SLA2: variants seen among roughly 807,000 people sequenced by gnomAD.
SLA2 encodes the protein Src like adaptor 2, also known as src-like-adapter 2.
Under a neutral mutation model 27.3 loss-of-function variants are expected in SLA2, and 22 were observed. The observed-to-expected ratio is 0.81, with a 90% CI of 0.58 to 1.15. The LOEUF (loss-of-function observed/expected upper bound fraction) is 1.15. Among genes scored for constraint, SLA2 ranks in the 50% most tolerant of loss-of-function variants. The pLI, the probability that SLA2 is intolerant of heterozygous loss-of-function variation, is 0.00. For missense variants in SLA2, 304 were observed against 322.2 expected (o/e 0.94, Z 0.43); for synonymous variants, 131 against 137.8 (o/e 0.95, Z 0.34).
chr20:36,628,578 G>C (rs757173776), intron 5 of SLA2, among the ~76,000 whole-genome samples: 22 of 152,016 alleles, frequency 1.4e-4, no homozygotes, highest in Non-Finnish European at 2.8e-4. Context: ...CAGGGTCTTG[G>C]TCTGTCACCC....
Position 36,613,122 on chromosome 20 carries a change from A to C in SLA2, c.*744T>G, listed in dbSNP as rs916486871. On this transcript the variant is annotated 3_prime_UTR_variant, in exon 8 of 8. Transcript: ENST00000262866. ...GTAATCCCAGCTATTCTGGAGGCTG[A>C]GGCAGGAGAATTGTTTGAATCCAGG... 1.3e-5 allele frequency: 2 copies of C among 152,338 alleles called. No homozygotes were observed. Among genetic ancestry groups the C allele is most frequent in the East Asian group, 3.8e-4 (2 of 5,198 alleles). The allele number at this position is 152,338 out of a possible 1,614,324, so 9.4% of individuals were successfully genotyped here.
chr20:36,627,569 G>A (rs1394589262), intron 5 of SLA2, among the ~76,000 whole-genome samples: 1 of 152,226 alleles, frequency 6.6e-6, no homozygotes, highest in Non-Finnish European at 1.5e-5. Context: ...CAGGAACCAC[G>A]TCTTGCTCAT....
intron 5 of SLA2, among the ~76,000 whole-genome samples, chr20:36,630,979 C>G (rs1429800393): frequency 6.6e-6 from 1 of 152,150 alleles, no homozygotes; most frequent in Non-Finnish European, 1.5e-5. Flanking sequence ...GCTACTGACC[C>G]AAGAGATCCT....
chr20:36,614,321 A>G lies in SLA2; in HGVS notation c.649T>C (p.Trp217Arg), dbSNP rs377152592. Reference protein sequence around the residue: ...PVTVQRTPLNWKELDSSLLFS... With the variant: ...PVTVQRTPLNRKELDSSLLFS... ...CAACTTTACCTGTCCAGCTCTTTCC[A>G]GTTGAGTGGTGTCCTCTGCACAGTC... is the stretch of plus-strand genomic sequence containing the variant. The change falls in exon 7 of 8, where the codon TGG becomes CGG. Residue 217 changes from tryptophan (W) to arginine (R), a missense_variant. Coordinates refer to ENST00000262866, the MANE Select transcript of SLA2 (RefSeq NM_032214.4). The G allele has an allele frequency of 3.8e-5, 61 of 1,614,064 alleles. No homozygotes were observed. Among genetic ancestry groups the G allele is most frequent in the Admixed American group, 1.5e-4 (9 of 60,018 alleles).
chr20:36,615,938 G>A (rs573081405), intron 5 of SLA2, among the ~76,000 whole-genome samples: 1 of 152,312 alleles, frequency 6.6e-6, no homozygotes, highest in Admixed American at 6.5e-5. Flanking sequence ...AGAATAAATT[G>A]TGGATTATAG....
chr20:36,636,088 G>A (rs138549091), intron 2 of SLA2, among the ~76,000 whole-genome samples: 205 of 152,066 alleles, frequency 1.3e-3, no homozygotes, highest in African/African-American at 4.7e-3. Flanking sequence ...GTGTCCCCAG[G>A]TCCTGTCACA....
At chr20:36,641,430 A>G in intron 1 of SLA2, 52 bp from the exon 2 acceptor site, 1 of 1,072,918 alleles carries the variant, frequency 9.3e-7, no homozygotes, top group Non-Finnish European at 1.4e-6. Context: ...GCCCAATCTC[A>G]GATACCTCTC....
Position 36,613,711 on chromosome 20 carries a change from G to T in SLA2, c.*155C>A. On this transcript the variant is annotated 3_prime_UTR_variant, in exon 8 of 8. Transcript: ENST00000262866. The stretch of plus-strand genomic sequence containing the variant: ...AGTAGGTGACTTCTAAGGGCTAAGA[G>T]AGGAAAGAGCAAGGGTACAGGTGGG... 1.1e-6 allele frequency: 1 copy of T among 880,092 alleles called. No homozygotes were observed. The highest frequency in any genetic ancestry group is 1.7e-6 in the Non-Finnish European group (1 of 589,096). The allele number at this position is 880,092 out of a possible 1,614,324, so 54.5% of individuals were successfully genotyped here.
At chr20:36,624,976 C>T (rs1046656941) in intron 5 of SLA2, among the ~76,000 whole-genome samples, 2 of 152,140 alleles carry the variant, frequency 1.3e-5, no homozygotes, top group Non-Finnish European at 2.9e-5. Flanking sequence ...TCTTCATCCT[C>T]TCTCCCCCTC....
At chr20:36,643,165 T>C (rs1978285000) in intron 1 of SLA2, among the ~76,000 whole-genome samples, 1 of 152,252 alleles carries the variant, frequency 6.6e-6, no homozygotes, top group Non-Finnish European at 1.5e-5. Flanking sequence ...ATTAACTAAA[T>C]GAGACTGTTA....
At chr20:36,625,216 A>ATTTTTTT (rs71186005) in intron 5 of SLA2, among the ~76,000 whole-genome samples, 46 of 78,482 alleles carry the variant, frequency 5.9e-4, no homozygotes, top group Non-Finnish European at 7.8e-4. Context: ...ACGTACCCTG[A>ATTTTTTT]TTTTTTTTTT....
intron 5 of SLA2, among the ~76,000 whole-genome samples, chr20:36,626,052 G>A (rs1426323209): frequency 6.6e-6 from 1 of 151,804 alleles, no homozygotes; most frequent in African/African-American, 2.4e-5. Context: ...ATCACTTGAG[G>A]TCAGGAGTTC....
chr20:36,622,768 G>A (rs762725843), intron 5 of SLA2, among the ~76,000 whole-genome samples: 7 of 152,054 alleles, frequency 4.6e-5, no homozygotes, highest in African/African-American at 7.2e-5. Flanking sequence ...CCTCCCTCTC[G>A]TAAGCATCCT....
chr20:36,633,648 G>A lies in SLA2; in HGVS notation c.192-19C>T, dbSNP rs539905690. ...TCCATCCCTGGAGAGAGAAAGGAGTGGGGGCACCTCTTTCAGATGAGCCAA... is the reference window on the plus strand; with the variant it reads ...TCCATCCCTGGAGAGAGAAAGGAGTAGGGGCACCTCTTTCAGATGAGCCAA... On this transcript the variant is annotated intron_variant, in intron 3 of 7. Transcript: ENST00000262866. 4 of 1,604,848 alleles carry A rather than the reference G, an allele frequency of 2.5e-6. No homozygotes were observed. Among genetic ancestry groups the A allele is most frequent in the Non-Finnish European group, 3.4e-6 (4 of 1,172,038 alleles).
chr20:36,644,103 C>T (rs539612987), intron 1 of SLA2, among the ~76,000 whole-genome samples: 1 of 152,118 alleles, frequency 6.6e-6, no homozygotes, highest in South Asian at 2.1e-4. Flanking sequence ...CTTTTAGGAT[C>T]CTGCAGCCTG....
At chr20:36,616,656 C>T (rs1470689681) in intron 5 of SLA2, among the ~76,000 whole-genome samples, 1 of 152,140 alleles carries the variant, frequency 6.6e-6, no homozygotes, top group Admixed American at 6.5e-5. Flanking sequence ...TTTTTAGAGC[C>T]ATGCTCTCGC....
intron 1 of SLA2, among the ~76,000 whole-genome samples, chr20:36,643,679 C>T (rs1018122412): frequency 3.3e-5 from 5 of 152,252 alleles, no homozygotes; most frequent in South Asian, 2.1e-4. Context: ...GGGCCGGGCG[C>T]GGTGGCTCAT....
At chr20:36,615,483 G>A in intron 5 of SLA2, 109 bp from the exon 6 acceptor site, 1 of 1,244,250 alleles carries the variant, frequency 8.0e-7, no homozygotes, top group Non-Finnish European at 1.1e-6. Context: ...CGGCAGAAGG[G>A]AAGTGTCTGG....
chr20:36,636,880 G>T (rs2039455702), intron 2 of SLA2, among the ~76,000 whole-genome samples: 1 of 151,576 alleles, frequency 6.6e-6, no homozygotes, highest in Non-Finnish European at 1.5e-5. Flanking sequence ...GAACCCAGGA[G>T]GTGGAGCTTG....
Sources: gnomAD v4.1 joint callset for allele counts (sites outside exome capture counted in the v4.1 genomes callset) on GRCh38, gnomAD v4.1.1 for gene constraint, MANE v1.5 for transcripts, NCBI Gene and HGNC (gene_info 2026-07-23, HGNC 2026-07-21) for gene names.